The following XPNPEP3 variants were observed in gnomAD, a reference collection of about 807,000 sequenced individuals.
XPNPEP3 encodes X-prolyl aminopeptidase 3, also known as xaa-Pro aminopeptidase 3.
XPNPEP3 carries 41 observed loss-of-function variants against 60.0 expected under a neutral mutation model. That is an observed-to-expected ratio of 0.68 (90% CI 0.53 to 0.89). XPNPEP3 has a LOEUF of 0.89. Ranked by LOEUF, XPNPEP3 falls within the 40% of genes least tolerant of loss-of-function variation. The pLI is 0.00. For missense variants in XPNPEP3, 598 were observed against 638.9 expected (o/e 0.94, Z 0.69); for synonymous variants, 212 against 223.2 (o/e 0.95, Z 0.45).
intron 4 of XPNPEP3, among the ~76,000 whole-genome samples, chr22:40,893,363 G>A (rs910134992): frequency 1.3e-4 from 20 of 149,714 alleles, no homozygotes; most frequent in Non-Finnish European, 2.5e-4. Flanking sequence ...AAAATTAGCC[G>A]GGCATGGTGG....
chr22:40,864,019 C>T (rs1017474456), intron 1 of XPNPEP3, among the ~76,000 whole-genome samples: 1 of 152,066 alleles, frequency 6.6e-6, no homozygotes, highest in Non-Finnish European at 1.5e-5. Context: ...GGATCTCGTG[C>T]AAGAAAGAAT....
At chr22:40,901,184 A>G (rs1457812549) in intron 4 of XPNPEP3, among the ~76,000 whole-genome samples, 5 of 151,596 alleles carry the variant, frequency 3.3e-5, no homozygotes, top group African/African-American at 9.7e-5. Context: ...GAGAGAAAAT[A>G]TTTGCAAATC....
intron 2 of XPNPEP3, among the ~76,000 whole-genome samples, chr22:40,879,116 C>CT (rs1293460252): frequency 1.3e-5 from 2 of 152,104 alleles, no homozygotes; most frequent in African/African-American, 4.8e-5. Flanking sequence ...AAATAAATAG[C>CT]TGTAGTACAA....
chr22:40,900,730 A>G (rs997450244), intron 4 of XPNPEP3, among the ~76,000 whole-genome samples: 1 of 152,036 alleles, frequency 6.6e-6, no homozygotes, highest in African/African-American at 2.4e-5. Context: ...GGAATTTGAG[A>G]CCAGCCTGGG....
intron 6 of XPNPEP3, among the ~76,000 whole-genome samples, chr22:40,913,334 A>G (rs2058183459): frequency 6.6e-6 from 1 of 151,198 alleles, no homozygotes; most frequent in South Asian, 2.1e-4. Flanking sequence ...GCTACTTGAG[A>G]GGCTGAGGCA....
chr22:40,912,464 C>T (rs1174184078), intron 6 of XPNPEP3, among the ~76,000 whole-genome samples: 1 of 152,194 alleles, frequency 6.6e-6, no homozygotes, highest in Non-Finnish European at 1.5e-5. Context: ...TATTGTCTTA[C>T]ATTTTAAGCT....
chr22:40,900,024 C>T (rs2058125550), intron 4 of XPNPEP3, among the ~76,000 whole-genome samples: 1 of 151,832 alleles, frequency 6.6e-6, no homozygotes, highest in Non-Finnish European at 1.5e-5. Flanking sequence ...AAGATTACAC[C>T]ACTGCATTCC....
At chr22:40,884,591 C>T (rs1272439139) in intron 3 of XPNPEP3, among the ~76,000 whole-genome samples, 1 of 151,666 alleles carries the variant, frequency 6.6e-6, no homozygotes, top group Non-Finnish European at 1.5e-5. Context: ...CCCTCAGCCT[C>T]CCAGGGTGCT....
At chr22:40,918,291 T>C (rs930740283) in intron 7 of XPNPEP3, among the ~76,000 whole-genome samples, 2 of 152,094 alleles carry the variant, frequency 1.3e-5, no homozygotes, top group African/African-American at 4.8e-5. Flanking sequence ...GCAAAATCAC[T>C]TGACCCCTGA....
chr22:40,860,666 T>A (rs2057937637), intron 1 of XPNPEP3: 1 of 1,299,966 alleles, frequency 7.7e-7, no homozygotes, highest in Admixed American at 2.4e-5. Flanking sequence ...CTTTTTTTTT[T>A]TTTTAAGACA....
rs754542666 is a variant in XPNPEP3, at chr22:40,909,279, G to C, written c.969+44G>C. Reference sequence around the variant, plus strand: ...GTGCTACTCCCACTAGGTCCAGATAGCCTAGTAGAAAACCTGCTAACCTCA... The same window carrying C: ...GTGCTACTCCCACTAGGTCCAGATACCCTAGTAGAAAACCTGCTAACCTCA... On this transcript the variant is annotated intron_variant, in intron 6 of 9. Coordinates refer to ENST00000357137, the MANE Select transcript of XPNPEP3 (RefSeq NM_022098.4). The C allele has an allele frequency of 4.0e-6, 6 of 1,500,446 alleles. No individual in the cohort carries two copies. The Admixed American group carries it at 1.0e-4, about 25-fold the overall frequency. The allele number at this position is 1,500,446 out of a possible 1,614,324, so 92.9% of individuals were successfully genotyped here. A position where few individuals can be genotyped will look rare whatever the true frequency, so the allele number is the denominator to read the frequency against.
intron 4 of XPNPEP3, among the ~76,000 whole-genome samples, chr22:40,903,874 TCACACA>T (rs10560459): frequency 0.013 from 1,861 of 145,700 alleles, 26 homozygotes; most frequent in African/African-American, 0.032. Context: ...TCTCTCTCTG[TCACACA>T]CACACACACA....
At chr22:40,878,206 CAAAA>C (rs201923483) in intron 2 of XPNPEP3, among the ~76,000 whole-genome samples, 1 of 108,226 alleles carries the variant, frequency 9.2e-6, no homozygotes, top group Admixed American at 1.0e-4. Flanking sequence ...AGCTCTATCT[CAAAA>C]AAAAAAAAAA....
intron 4 of XPNPEP3, among the ~76,000 whole-genome samples, chr22:40,894,433 A>C (rs994292884): frequency 6.6e-6 from 1 of 152,208 alleles, no homozygotes; most frequent in African/African-American, 2.4e-5. Flanking sequence ...ATACGTATGC[A>C]TAATACAGTG....
intron 7 of XPNPEP3, among the ~76,000 whole-genome samples, chr22:40,920,816 G>C (rs2058213657): frequency 6.6e-6 from 1 of 151,944 alleles, no homozygotes; most frequent in African/African-American, 2.4e-5. Context: ...TTTTGAGACG[G>C]AGTTTCACTC....
At chr22:40,903,636 C>G (rs541852969) in intron 4 of XPNPEP3, among the ~76,000 whole-genome samples, 51 of 152,020 alleles carry the variant, frequency 3.4e-4, no homozygotes, top group African/African-American at 1.2e-3. Flanking sequence ...ATTACAGGTG[C>G]CCGCCACCAT....
chr22:40,888,630 T>A (rs1569022429), intron 4 of XPNPEP3, among the ~76,000 whole-genome samples: 1 of 151,884 alleles, frequency 6.6e-6, no homozygotes, highest in Admixed American at 6.6e-5. Flanking sequence ...AACATTTGGT[T>A]TCTATCTTTT....
chr22:40,907,146 G>C (rs900326879), intron 4 of XPNPEP3: 3 of 456,758 alleles, frequency 6.6e-6, no homozygotes, highest in African/African-American at 6.0e-5. Context: ...TATTGGCCCG[G>C]CACGGTGGCT....
intron 9 of XPNPEP3, 73 bp downstream of exon 9, chr22:40,924,555 G>A (rs548094645): frequency 4.2e-5 from 66 of 1,584,504 alleles, no homozygotes; most frequent in Non-Finnish European, 5.6e-5. Flanking sequence ...ATGGAGTTTT[G>A]CTCTTTCGCC....
Sources: gnomAD v4.1 joint callset for allele counts (sites outside exome capture counted in the v4.1 genomes callset) on GRCh38, gnomAD v4.1.1 for gene constraint, MANE v1.5 for transcripts, NCBI Gene and HGNC (gene_info 2026-07-23, HGNC 2026-07-21) for gene names.